The following NCOA7 variants were observed in gnomAD, a reference collection of about 807,000 sequenced individuals.
NCOA7 encodes the protein 140 kDa estrogen receptor-associated protein.
Under a neutral mutation model 104.3 loss-of-function variants are expected in NCOA7, and 45 were observed. The ratio of observed to expected loss-of-function variants is 0.43; its 90% confidence interval spans 0.34 to 0.55. The LOEUF (loss-of-function observed/expected upper bound fraction) is 0.55, where lower values mean the gene tolerates loss of function less well. Among genes scored for constraint, NCOA7 ranks in the 20% least tolerant of loss-of-function variants. NCOA7 has a pLI of 0.02. For missense variants in NCOA7, 1,041 were observed against 1,119.7 expected (o/e 0.93, Z 1.00); for synonymous variants, 398 against 402.3 (o/e 0.99, Z 0.13).
chr6:125,802,593 G>A (rs1013005743), intron 1 of NCOA7: 1 of 152,180 alleles, frequency 6.6e-6, no homozygotes, highest in Non-Finnish European at 1.5e-5. Flanking sequence ...AAATCAGATG[G>A]GGTCATATAC....
chr6:125,868,694 C>T (rs1782632829), intron 3 of NCOA7, among the ~76,000 whole-genome samples: 1 of 152,242 alleles, frequency 6.6e-6, no homozygotes, highest in Non-Finnish European at 1.5e-5. Flanking sequence ...ACATGCCTGT[C>T]ATTGGAAACA....
intron 10 of NCOA7, among the ~76,000 whole-genome samples, chr6:125,900,205 C>A (rs1785381074): frequency 6.6e-6 from 1 of 152,140 alleles, no homozygotes; most frequent in African/African-American, 2.4e-5. Flanking sequence ...ATCTTCTCAT[C>A]TTTTTCAAAA....
intron 3 of NCOA7, among the ~76,000 whole-genome samples, chr6:125,868,502 C>T (rs766444836): frequency 2.0e-5 from 3 of 152,302 alleles, no homozygotes; most frequent in East Asian, 1.9e-4. Context: ...ATTAATATCA[C>T]GTGGCTATGA....
intron 10 of NCOA7, among the ~76,000 whole-genome samples, chr6:125,894,873 T>C (rs1583483158): frequency 1.3e-5 from 2 of 152,132 alleles, no homozygotes; most frequent in Non-Finnish European, 2.9e-5. Context: ...GAACAAATAA[T>C]TATTTGGTGC....
intron 2 of NCOA7, among the ~76,000 whole-genome samples, chr6:125,830,920 T>C (rs1779135095): frequency 6.6e-6 from 1 of 152,024 alleles, no homozygotes; most frequent in South Asian, 2.1e-4. Context: ...TTGTTTTCTG[T>C]CTATTATTCT....
At chr6:125,792,833 T>TAAAA (rs1425642728) in intron 1 of NCOA7, among the ~76,000 whole-genome samples, 1 of 152,228 alleles carries the variant, frequency 6.6e-6, no homozygotes, top group Non-Finnish European at 1.5e-5. Context: ...GCTTTATTTT[T>TAAAA]ACACTATGAC....
chr6:125,920,309 T>C (rs1236406429), intron 11 of NCOA7, among the ~76,000 whole-genome samples: 4 of 152,224 alleles, frequency 2.6e-5, no homozygotes, highest in South Asian at 2.1e-4. Context: ...GTGGTTTCTA[T>C]GTGCACAACC....
chr6:125,841,474 C>CAATATATAT (rs1780168942), intron 2 of NCOA7, among the ~76,000 whole-genome samples: 2 of 151,994 alleles, frequency 1.3e-5, no homozygotes, highest in Non-Finnish European at 2.9e-5. Flanking sequence ...ATACCACAAC[C>CAATATATAT]TGTGGTTGGT....
chr6:125,862,348 A>G (rs997223121), intron 3 of NCOA7, among the ~76,000 whole-genome samples: 2 of 138,352 alleles, frequency 1.4e-5, no homozygotes, highest in Non-Finnish European at 3.1e-5. Flanking sequence ...AACATTATCT[A>G]CAAAGGAGCA....
intron 10 of NCOA7, among the ~76,000 whole-genome samples, chr6:125,896,870 A>G (rs1361103403): frequency 1.3e-5 from 2 of 152,268 alleles, no homozygotes; most frequent in Non-Finnish European, 2.9e-5. Context: ...AGTATTCTAA[A>G]GTGCTGTTTC....
intron 10 of NCOA7, among the ~76,000 whole-genome samples, chr6:125,894,654 C>G (rs1036868329): frequency 6.6e-6 from 1 of 152,130 alleles, no homozygotes; most frequent in Non-Finnish European, 1.5e-5. Context: ...CTAAAGCAGT[C>G]CTTGACCCCT....
chr6:125,880,979 G>A, intron 5 of NCOA7, 111 bp from the exon 6 acceptor site: 2 of 732,486 alleles, frequency 2.7e-6, no homozygotes, highest in Middle Eastern at 2.4e-4. Flanking sequence ...AGCAACCTAG[G>A]TCGTAATCAT....
chr6:125,893,181 C>T (rs1784754754), intron 10 of NCOA7, among the ~76,000 whole-genome samples: 1 of 152,166 alleles, frequency 6.6e-6, no homozygotes, highest in South Asian at 2.1e-4. Flanking sequence ...TTTCTACTTG[C>T]CTTTCTGTTT....
At chr6:125,885,976 G>A (rs1784226847) in intron 8 of NCOA7, among the ~76,000 whole-genome samples, 1 of 152,102 alleles carries the variant, frequency 6.6e-6, no homozygotes, top group Non-Finnish European at 1.5e-5. Flanking sequence ...AAAAGAGAAA[G>A]CATTAAGAAA....
At chr6:125,790,738 CGGGCCCGGGACCCCGTAGCGG>C (rs1255232810), upstream of NCOA7, 1 of 152,224 alleles carries the variant, frequency 6.6e-6, no homozygotes, top group Non-Finnish European at 1.5e-5. Context: ...CGCCTTCAGC[CGGGCCCGGGACCCCGTAGCGG>C]CCCATGCCCT....
intron 13 of NCOA7, among the ~76,000 whole-genome samples, chr6:125,927,182 A>C (rs752457327): frequency 2.6e-5 from 4 of 152,236 alleles, no homozygotes; most frequent in Non-Finnish European, 4.4e-5. Flanking sequence ...ATTGTTACAA[A>C]TCAAAAGAAA....
chr6:125,904,749 G>A (rs370198698), intron 10 of NCOA7, among the ~76,000 whole-genome samples: 5 of 152,280 alleles, frequency 3.3e-5, no homozygotes, highest in Admixed American at 6.5e-5. Context: ...AAAGCTCCCA[G>A]GCAGCCCCAA....
At chr6:125,846,029 G>T (rs1464821095) in intron 2 of NCOA7, among the ~76,000 whole-genome samples, 1 of 152,078 alleles carries the variant, frequency 6.6e-6, no homozygotes, top group Non-Finnish European at 1.5e-5. Flanking sequence ...GAGAAAGTTT[G>T]TATGAAAGAA....
chr6:125,793,547 A>G (rs1345513976), intron 1 of NCOA7, among the ~76,000 whole-genome samples: 1 of 152,084 alleles, frequency 6.6e-6, no homozygotes, highest in Non-Finnish European at 1.5e-5. Context: ...TTTGGGTCCT[A>G]CCTCCTGATC....
Sources: allele counts gnomAD v4.1 joint callset (sites outside exome capture counted in the v4.1 genomes callset), GRCh38; gene constraint gnomAD v4.1.1; transcripts MANE v1.5; gene names NCBI Gene and HGNC (gene_info 2026-07-23, HGNC 2026-07-21).